The following FRS2 variants were observed in gnomAD, a reference collection of about 807,000 sequenced individuals.
FRS2 encodes the protein fibroblast growth factor receptor substrate 2.
FRS2 carries 8 observed loss-of-function variants against 43.9 expected under a neutral mutation model. The ratio of observed to expected loss-of-function variants is 0.18; its 90% CI spans 0.11 to 0.33. FRS2 has a LOEUF of 0.33. Ranked by LOEUF, FRS2 falls within the 10% of genes least tolerant of loss-of-function variation. The pLI is 1.00. For missense variants in FRS2, 534 were observed against 627.6 expected (o/e 0.85, Z 1.59); for synonymous variants, 219 against 220.3 (o/e 0.99, Z 0.05).
intron 1 of FRS2, among the ~76,000 whole-genome samples, chr12:69,515,561 G>A (rs115595290): frequency 0.012 from 1,863 of 151,964 alleles, 44 homozygotes; most frequent in African/African-American, 0.042. Flanking sequence ...AACATCCCTC[G>A]CGCTCTCTTG....
At chr12:69,484,095 C>CTTTTTTTTTTTTTTTTT (rs368221087) in intron 1 of FRS2, among the ~76,000 whole-genome samples, 7 of 149,376 alleles carry the variant, frequency 4.7e-5, no homozygotes, top group Non-Finnish European at 7.5e-5. Flanking sequence ...GCTTTTCTTT[C>CTTTTTTTTTTTTTTTTT]TTTTTTTTTG....
At chr12:69,508,775 C>A (rs1485790855) in intron 1 of FRS2, among the ~76,000 whole-genome samples, 1 of 152,024 alleles carries the variant, frequency 6.6e-6, no homozygotes, top group Non-Finnish European at 1.5e-5. Context: ...AGTTATTCTG[C>A]TTTTTGTTGG....
At chr12:69,508,947 C>A (rs1032497004) in intron 1 of FRS2, among the ~76,000 whole-genome samples, 2 of 152,086 alleles carry the variant, frequency 1.3e-5, no homozygotes, top group Admixed American at 6.6e-5. Flanking sequence ...TAAGACTATG[C>A]AAATATTTTT....
chr12:69,491,896 G>A (rs1421770804), intron 1 of FRS2, among the ~76,000 whole-genome samples: 1 of 152,140 alleles, frequency 6.6e-6, no homozygotes, highest in African/African-American at 2.4e-5. Context: ...TTCTGTGTCC[G>A]TGGATATACA....
At chr12:69,501,955 T>C (rs1444237673) in intron 1 of FRS2, among the ~76,000 whole-genome samples, 1 of 128,776 alleles carries the variant, frequency 7.8e-6, no homozygotes, top group Non-Finnish European at 1.5e-5. Flanking sequence ...CTATCTGTTT[T>C]TTTTGTTTTG....
intron 1 of FRS2, among the ~76,000 whole-genome samples, chr12:69,491,259 TAATTTTTTA>T (rs999353222): frequency 6.6e-6 from 1 of 151,844 alleles, no homozygotes; most frequent in African/African-American, 2.4e-5. Context: ...CCCACCTGCC[TAATTTTTTA>T]TATTTTTTAT....
In FRS2 at chr12:69,519,733, A is replaced by C. The variant is rs59372964; in HGVS notation, c.-260-11132A>C. ...TCCACCTTTTGTTGCTGCAAAGGAC[A>C]TGATCTTGTTCTTTTTTATGACAGT... On this transcript the variant is annotated intron_variant, in intron 1 of 8. Transcript: ENST00000549921. Among the ~76,000 whole-genome samples the C allele has an allele frequency of 6.8e-3, 1,031 of 152,344 alleles. 7 individuals are homozygous for C. Among genetic ancestry groups the C allele is most frequent in the African/African-American group, 0.024 (991 of 41,574 alleles).
At chr12:69,485,593 C>T (rs575719507) in intron 1 of FRS2, among the ~76,000 whole-genome samples, 50 of 152,296 alleles carry the variant, frequency 3.3e-4, no homozygotes, top group African/African-American at 1.2e-3. Context: ...GGCGATTTTC[C>T]TGCCTCAGCC....
chr12:69,475,918 G>A (rs1415583446), intron 1 of FRS2, among the ~76,000 whole-genome samples: 5 of 152,168 alleles, frequency 3.3e-5, no homozygotes, highest in South Asian at 2.1e-4. Flanking sequence ...TGCCATTTTC[G>A]ATGGGCGCTT....
chr12:69,563,665 A>G (rs961818124), intron 4 of FRS2, among the ~76,000 whole-genome samples: 2 of 152,182 alleles, frequency 1.3e-5, no homozygotes, highest in African/African-American at 4.8e-5. Flanking sequence ...ATCTCAGCCT[A>G]CTTAATAATC....
chr12:69,480,921 C>T (rs779058010), intron 1 of FRS2, among the ~76,000 whole-genome samples: 2 of 151,902 alleles, frequency 1.3e-5, no homozygotes, highest in Non-Finnish European at 2.9e-5. Context: ...GTGAAGTTCT[C>T]GTAACTTTAT....
chr12:69,546,107 A>G (rs967419405), intron 3 of FRS2, among the ~76,000 whole-genome samples: 4 of 152,228 alleles, frequency 2.6e-5, no homozygotes, highest in African/African-American at 9.6e-5. Context: ...CCAAAAACTA[A>G]TTTAAAAATG....
At chr12:69,529,240 C>T (rs773650984) in intron 1 of FRS2, among the ~76,000 whole-genome samples, 3 of 152,108 alleles carry the variant, frequency 2.0e-5, no homozygotes, top group Admixed American at 6.5e-5. Context: ...CTTGGACCAT[C>T]GTAGTAAGAG....
intron 8 of FRS2, among the ~76,000 whole-genome samples, chr12:69,572,924 G>A (rs942473547): frequency 1.3e-5 from 2 of 152,146 alleles, no homozygotes; most frequent in Non-Finnish European, 2.9e-5. Context: ...TCCACCTCCC[G>A]GGTTCAAGCA....
chr12:69,489,499 G>A (rs533067882), intron 1 of FRS2, among the ~76,000 whole-genome samples: 6 of 151,846 alleles, frequency 4.0e-5, no homozygotes, highest in African/African-American at 9.7e-5. Flanking sequence ...GTGAAATGCC[G>A]TCTCTACTAA....
chr12:69,524,367 C>T (rs501274), intron 1 of FRS2, among the ~76,000 whole-genome samples: 14,168 of 151,926 alleles, frequency 0.093, 860 homozygotes, highest in Non-Finnish European at 0.14. Context: ...TGGGCTAGTG[C>T]TTGTAGGCAA....
chr12:69,481,785 CT>C (rs1316120300), intron 1 of FRS2, among the ~76,000 whole-genome samples: 1 of 152,060 alleles, frequency 6.6e-6, no homozygotes, highest in Non-Finnish European at 1.5e-5. Flanking sequence ...ATCTGATTAG[CT>C]TTTTGATTGT....
intron 1 of FRS2, among the ~76,000 whole-genome samples, chr12:69,480,779 A>G (rs1357203691): frequency 1.3e-5 from 2 of 152,176 alleles, no homozygotes; most frequent in Non-Finnish European, 2.9e-5. Context: ...TTAAAAATCT[A>G]TTAAATATAC....
intron 4 of FRS2, among the ~76,000 whole-genome samples, chr12:69,563,166 C>T (rs1304935743): frequency 1.3e-5 from 2 of 152,086 alleles, no homozygotes; most frequent in African/African-American, 4.8e-5. Context: ...TTAGGTGTCA[C>T]ATAGCTCAGA....
Sources: gnomAD v4.1 joint callset for allele counts (sites outside exome capture counted in the v4.1 genomes callset) on GRCh38, gnomAD v4.1.1 for gene constraint, MANE v1.5 for transcripts, NCBI Gene and HGNC (gene_info 2026-07-23, HGNC 2026-07-21) for gene names.